The following XPO6 variants were observed in gnomAD, a reference collection of about 807,000 sequenced individuals.
The protein encoded by XPO6 is exportin-6.
XPO6 carries 3 observed loss-of-function variants against 130.0 expected under a neutral mutation model. The observed-to-expected ratio is 0.02, with a 90% confidence interval of 0.01 to 0.06. The LOEUF is 0.06. XPO6 is among the 10% of genes least tolerant of loss of function. The pLI is 1.00. For synonymous variants in XPO6, 524 were observed against 548.9 expected, an observed-to-expected ratio of 0.95 and a Z score of 0.63; for missense variants, 970 against 1,393.0, an observed-to-expected ratio of 0.70 and a Z score of 4.83.
Position 28,108,622 on chromosome 16 carries a change from C to T in XPO6, c.2342-945G>A, listed in dbSNP as rs756180149. Among the ~76,000 whole-genome samples the T allele has an allele frequency of 2.8e-4, 42 of 152,334 alleles. 1 individual carries two copies. Among genetic ancestry groups the T allele is most frequent in the Admixed American group, 2.5e-3 (38 of 15,312 alleles). ...TTTCCCACCAGCCTCCCCAAAGTGA[C>T]GCCCATGGCTCAGCCTGAGCCTAGC... On this transcript the variant is annotated intron_variant, in intron 17 of 23. Coordinates refer to ENST00000304658, the MANE Select transcript of XPO6 (RefSeq NM_015171.4).
At chr16:28,189,030 C>CT (rs773775639) in intron 1 of XPO6, among the ~76,000 whole-genome samples, 53 of 152,238 alleles carry the variant, frequency 3.5e-4, no homozygotes, top group South Asian at 4.1e-4. Context: ...GGCACAAACT[C>CT]TATCTCCCGG....
intron 5 of XPO6, chr16:28,167,262 CA>C: frequency 1.0e-6 from 1 of 985,406 alleles, no homozygotes; most frequent in Non-Finnish European, 1.2e-6. Flanking sequence ...GCTTCCTGGA[CA>C]ATGCTACGTG....
intron 12 of XPO6, among the ~76,000 whole-genome samples, chr16:28,130,537 C>G (rs1280780001): frequency 6.6e-6 from 1 of 152,102 alleles, no homozygotes; most frequent in Non-Finnish European, 1.5e-5. Context: ...TTCTGAGCCA[C>G]CAAAAATTGG....
At chr16:28,186,371 A>ATCCTTTT (rs2043692526) in intron 1 of XPO6, among the ~76,000 whole-genome samples, 2 of 10,134 alleles carry the variant, frequency 2.0e-4, no homozygotes, top group African/African-American at 8.2e-4. Context: ...TGCCCCAGTT[A>ATCCTTTT]TTCTTTTTTT....
chr16:28,142,560 T>C (rs895672941), intron 9 of XPO6, among the ~76,000 whole-genome samples: 1 of 152,032 alleles, frequency 6.6e-6, no homozygotes, highest in Admixed American at 6.6e-5. Context: ...GAGGGGTTTT[T>C]GTTGTTGTTG....
chr16:28,121,846 A>G, intron 13 of XPO6, 84 bp from the exon 14 acceptor site: 1 of 890,810 alleles, frequency 1.1e-6, no homozygotes, highest in Non-Finnish European at 1.9e-6. Context: ...ACCAGCAAAG[A>G]GCGTAAGGGC....
intron 8 of XPO6, among the ~76,000 whole-genome samples, chr16:28,151,911 G>A (rs539835709): frequency 7.2e-5 from 11 of 152,210 alleles, no homozygotes; most frequent in African/African-American, 2.6e-4. Context: ...CAGGCACGGG[G>A]GATAGGATGT....
Position 28,210,497 on chromosome 16 carries a change from G to A in XPO6, c.3+869C>T, listed in dbSNP as rs1655982232. On this transcript the variant is annotated intron_variant, in intron 1 of 23. Coordinates refer to ENST00000304658, the MANE Select transcript of XPO6 (RefSeq NM_015171.4). ...GGTTCAAACAATTTGGTCTTTGAAG[G>A]AGCTGTGTATACCGCAATAGACAGA... 2.6e-5 allele frequency among the ~76,000 whole-genome samples: 4 copies of A among 152,338 alleles called. No homozygotes were observed. The South Asian group carries it at 8.3e-4, about 32-fold the overall frequency.
Position 28,106,062 on chromosome 16 carries a change from A to G in XPO6, c.2765T>C (p.Val922Ala). ...PSIIALCMEQ[V>A]YPIIAERPSP... ...CCCTACCTCGGCAATGATGGGATAC[A>G]CTTGCTCCATGCACAGGGCGATGAT... The change falls in exon 20 of 24, where the codon GTG (valine) becomes GCG (alanine). Residue 922 changes from valine to alanine, a missense_variant. By Grantham distance (64) the Val-to-Ala change is moderately conservative (BLOSUM62 0). Coordinates refer to ENST00000304658, the MANE Select transcript of XPO6 (RefSeq NM_015171.4). The surrounding 1 kb of genome is among the most constrained non-coding windows in gnomAD (Gnocchi z 4.2). 6.2e-7 allele frequency: 1 copy of G among 1,614,114 alleles called. No homozygotes were observed. Among genetic ancestry groups the G allele is most frequent in the East Asian group, 2.2e-5 (1 of 44,882 alleles).
chr16:28,107,383 T>TC, intron 18 of XPO6, 139 bp downstream of exon 18: 1 of 1,022,946 alleles, frequency 9.8e-7, no homozygotes, highest in Non-Finnish European at 1.4e-6. Context: ...CACTGCCCTT[T>TC]CCCCTCAGTA....
intron 8 of XPO6, among the ~76,000 whole-genome samples, chr16:28,147,636 T>A (rs1222810903): frequency 6.6e-6 from 1 of 151,850 alleles, no homozygotes; most frequent in East Asian, 1.9e-4. Flanking sequence ...GGAAAAACAA[T>A]GAATAAGCCA....
chr16:28,183,220 T>C (rs1390709539), intron 1 of XPO6: 1 of 152,114 alleles, frequency 6.6e-6, no homozygotes, highest in African/African-American at 2.4e-5. Flanking sequence ...CTGCCACCAT[T>C]CCCAGTCCCA....
chr16:28,204,994 C>T (rs761359999), intron 1 of XPO6, among the ~76,000 whole-genome samples: 2 of 152,088 alleles, frequency 1.3e-5, no homozygotes, highest in Non-Finnish European at 1.5e-5. Context: ...CCCAGGAGTT[C>T]AAGGCTGCTG....
intron 1 of XPO6, among the ~76,000 whole-genome samples, chr16:28,206,438 T>C (rs2044031693): frequency 1.3e-5 from 2 of 152,076 alleles, no homozygotes; most frequent in Admixed American, 1.3e-4. Context: ...TCTCAGCTAC[T>C]GAGGAGGCTG....
intron 13 of XPO6, among the ~76,000 whole-genome samples, chr16:28,122,640 T>C (rs1172951981): frequency 6.6e-6 from 1 of 151,954 alleles, no homozygotes; most frequent in African/African-American, 2.4e-5. Flanking sequence ...TTTTGTTTTG[T>C]TTTAAAAAAA....
At chr16:28,115,136 T>C (rs1263906598) in intron 15 of XPO6, among the ~76,000 whole-genome samples, 2 of 152,230 alleles carry the variant, frequency 1.3e-5, no homozygotes, top group Non-Finnish European at 2.9e-5. Context: ...AAACTCCCAT[T>C]AATGCTGATA....
At position 28,106,241 on chromosome 16, in the gene XPO6, G is replaced by A. The variant is rs765109802; in HGVS notation, c.2613-27C>T. On this transcript the variant is annotated intron_variant, in intron 19 of 23. Transcript: ENST00000304658. This position sits in a 1 kb window ranked among gnomAD's most constrained non-coding sequence, Gnocchi z 4.2. ...TACAGAGGAGAAAGCCACACAGTGA[G>A]CAACCACATGTTTCTCTGGGGGCCA... is the stretch of plus-strand genomic sequence containing the variant. 1.4e-5 allele frequency: 23 copies of A among 1,611,088 alleles called. No homozygotes were observed. The highest frequency in any genetic ancestry group is 1.9e-5 in the Non-Finnish European group (22 of 1,177,774).
rs2043129841 is a variant in XPO6, at chr16:28,153,475, T to C, written c.1098-690A>G. The C allele has an allele frequency of 3.0e-6, 3 of 985,194 alleles. No homozygotes were observed. In the South Asian group the frequency reaches 1.4e-4, roughly 46 times the overall value. The allele number at this position is 985,194 out of a possible 1,614,324, so 61.0% of individuals were successfully genotyped here. On this transcript the variant is annotated intron_variant, in intron 7 of 23. Coordinates refer to ENST00000304658, the MANE Select transcript of XPO6 (RefSeq NM_015171.4). ...AACTCATGGCAGAACAGGACTATCA[T>C]CCACTCCCAATCCAGTGCTCTTTCT...
At chr16:28,107,726 A>G (rs749575428) in intron 17 of XPO6, 49 bp from the exon 18 acceptor site, 57 of 1,603,300 alleles carry the variant, frequency 3.6e-5, no homozygotes, top group Admixed American at 6.7e-5. Flanking sequence ...GGGAGAAAGC[A>G]TGGTAAGAGG....
Sources: gnomAD v4.1 joint callset for allele counts (sites outside exome capture counted in the v4.1 genomes callset) on GRCh38, gnomAD v4.1.1 for gene constraint, Gnocchi (gnomAD v3.1) non-coding constraint, MANE v1.5 for transcripts, NCBI Gene and HGNC (gene_info 2026-07-23, HGNC 2026-07-21) for gene names.